Variants in ARHGEF10L observed in about 807,000 individuals in gnomAD.
ARHGEF10L encodes the protein rho guanine nucleotide exchange factor 10-like protein.
A neutral mutation model predicts 141.2 loss-of-function variants in ARHGEF10L; 69 were observed. The observed-to-expected ratio is 0.49, with a 90% CI of 0.40 to 0.60. The LOEUF is 0.60. Ranked by LOEUF, ARHGEF10L falls within the 20% of genes least tolerant of loss-of-function variation. The pLI is 0.00. For missense variants in ARHGEF10L, 1,482 were observed against 1,734.3 expected (o/e 0.85, Z 2.58); for synonymous variants, 711 against 718.5 (o/e 0.99, Z 0.17).
Position 17,638,678 on chromosome 1 carries a change from G to A in ARHGEF10L, c.2160G>A (p.Gly720=). ...NKCRLRLLLP[G]KPDKSGRPIS... ...GCCGTCTCAGGCTCCTGCTTCCTGGGAAACCCGACAAGTGAGAGGAGGGGG... is the reference window on the plus strand; with the variant it reads ...GCCGTCTCAGGCTCCTGCTTCCTGGAAAACCCGACAAGTGAGAGGAGGGGG... The change falls in exon 20 of 29, where the codon GGG becomes GGA. Residue 720 remains glycine, a synonymous_variant. Coordinates refer to ENST00000361221, the MANE Select transcript of ARHGEF10L (RefSeq NM_018125.4). The A allele has an allele frequency of 6.2e-7, 1 of 1,614,030 alleles. No individual in the cohort carries two copies. Among genetic ancestry groups the A allele is most frequent in the African/African-American group, 1.3e-5 (1 of 75,060 alleles).
At chr1:17,636,281 G>A (rs1167923859) in intron 18 of ARHGEF10L, among the ~76,000 whole-genome samples, 2 of 152,102 alleles carry the variant, frequency 1.3e-5, no homozygotes, top group East Asian at 1.9e-4. Flanking sequence ...CTTCGAAAGG[G>A]GAAAGAAGTT....
At chr1:17,687,768 G>T in intron 27 of ARHGEF10L, 21 bp downstream of exon 27, 7 of 1,558,514 alleles carry the variant, frequency 4.5e-6, no homozygotes, top group Non-Finnish European at 6.1e-6. Flanking sequence ...CTCGGGCACG[G>T]GGGAGCGGAC....
At chr1:17,649,237 G>A (rs1443456964) in intron 22 of ARHGEF10L, among the ~76,000 whole-genome samples, 1 of 152,224 alleles carries the variant, frequency 6.6e-6, no homozygotes, top group East Asian at 1.9e-4. Context: ...TTCCAAAAAG[G>A]ACATAGCTAG....
At chr1:17,588,529 C>G (rs372972068) in intron 4 of ARHGEF10L, 50 bp downstream of exon 4, 1 of 1,611,018 alleles carries the variant, frequency 6.2e-7, no homozygotes, top group African/African-American at 1.3e-5. Flanking sequence ...AGGGAGACAC[C>G]GGGCAGTGGG....
chr1:17,640,101 T>C, intron 20 of ARHGEF10L, 101 bp from the exon 21 acceptor site: 10 of 1,506,136 alleles, frequency 6.6e-6, no homozygotes, highest in Non-Finnish European at 8.9e-6. Flanking sequence ...ACCTCCTTGA[T>C]CTCCAGGGCG....
chr1:17,607,508 C>T lies in ARHGEF10L; in HGVS notation c.434-294C>T, dbSNP rs891646859. On this transcript the variant is annotated intron_variant, in intron 6 of 28. Coordinates refer to ENST00000361221, the MANE Select transcript of ARHGEF10L (RefSeq NM_018125.4). This position sits in a 1 kb window ranked among gnomAD's most constrained non-coding sequence, Gnocchi z 4.5. ...AATTGCCAAGGAGGCTCACAATGAGCGCTGAGACCATACAAAAGCAGTGCT... is the reference window on the plus strand; with the variant it reads ...AATTGCCAAGGAGGCTCACAATGAGTGCTGAGACCATACAAAAGCAGTGCT... Among the ~76,000 whole-genome samples the T allele has an allele frequency of 4.6e-5, 7 of 152,170 alleles. No homozygotes were observed. Among genetic ancestry groups the T allele is most frequent in the African/African-American group, 9.6e-5 (4 of 41,456 alleles).
chr1:17,676,212 G>A (rs1419356969), intron 26 of ARHGEF10L, among the ~76,000 whole-genome samples: 15 of 149,030 alleles, frequency 1.0e-4, no homozygotes, highest in Non-Finnish European at 1.9e-4. Context: ...ATAGGTGCAG[G>A]TGTGGGTACA....
chr1:17,527,519 C>T, the ARHGEF10L span, among the ~76,000 whole-genome samples: 1 of 152,118 alleles, frequency 6.6e-6, no homozygotes, highest in South Asian at 2.1e-4. Flanking sequence ...TTTTATGGCA[C>T]CACCCGTACC....
intron 1 of ARHGEF10L, among the ~76,000 whole-genome samples, chr1:17,564,608 G>A (rs1032495590): frequency 1.3e-5 from 2 of 152,200 alleles, no homozygotes; most frequent in Non-Finnish European, 2.9e-5. Context: ...CACGTGGCCT[G>A]GGTTCAAAGG....
chr1:17,646,830 C>A (rs190431401), intron 21 of ARHGEF10L, among the ~76,000 whole-genome samples: 7 of 151,930 alleles, frequency 4.6e-5, no homozygotes, highest in Non-Finnish European at 1.0e-4. Flanking sequence ...CAGTCCAGCA[C>A]GGTGGAGCCA....
chr1:17,655,012 T>C (rs1307814409), intron 23 of ARHGEF10L, among the ~76,000 whole-genome samples: 1 of 152,112 alleles, frequency 6.6e-6, no homozygotes, highest in Non-Finnish European at 1.5e-5. Context: ...AGGACCTGGG[T>C]CTCAGGATCT....
Position 17,634,997 on chromosome 1 carries a change from T to A in ARHGEF10L, c.1908T>A (p.Ser636=). ...AGCACTCAGGCGCCAAGAAGGCCTCTGCCTCAGGGCAGGCTCAGAGTGAGT... is the reference window on the plus strand; with the variant it reads ...AGCACTCAGGCGCCAAGAAGGCCTCAGCCTCAGGGCAGGCTCAGAGTGAGT... ...LIQHSGAKKA[S]ASGQAQNKVY... is the part of the protein sequence containing the mutation. Residue 636 remains serine (S), a synonymous_variant, in exon 18 of 29, where the codon TCT becomes TCA. Transcript: ENST00000361221. 6.2e-7 allele frequency: 1 copy of A among 1,614,084 alleles called. No individual in the cohort carries two copies.
chr1:17,521,022 C>T, the ARHGEF10L span, among the ~76,000 whole-genome samples: 10 of 152,268 alleles, frequency 6.6e-5, no homozygotes, highest in South Asian at 4.1e-4. Flanking sequence ...CCATGCCATC[C>T]GGGCCTCAGC....
At chr1:17,637,325 C>A (rs995357643) in intron 18 of ARHGEF10L, among the ~76,000 whole-genome samples, 1 of 152,192 alleles carries the variant, frequency 6.6e-6, no homozygotes, top group Non-Finnish European at 1.5e-5. Context: ...CCTATGCAGG[C>A]CCCTCCTCTC....
At position 17,615,764 on chromosome 1, in the gene ARHGEF10L, G is replaced by A. The variant is rs796471536; in HGVS notation, c.727-330G>A. ...ACGTGCCCAGAGTCATGCCATTGGC[G>A]GGTGGCCCAGGGCTCCAGGTCTCCA... On this transcript the variant is annotated intron_variant, in intron 8 of 28. Transcript: ENST00000361221. The surrounding 1 kb of genome is among the most constrained non-coding windows in gnomAD (Gnocchi z 4.7). The A allele has an allele frequency of 5.7e-5, 13 of 228,080 alleles. 1 individual carries two copies. Among genetic ancestry groups the A allele is most frequent in the South Asian group, 2.9e-4 (3 of 10,218 alleles). 14.1% of individuals were successfully genotyped at this position (228,080 alleles called of 1,614,324 possible).
At chr1:17,643,723 A>G (rs1334622900) in intron 21 of ARHGEF10L, among the ~76,000 whole-genome samples, 2 of 152,114 alleles carry the variant, frequency 1.3e-5, no homozygotes, top group Non-Finnish European at 2.9e-5. Context: ...TCTCGTGAAA[A>G]TGTGGGGAGA....
chr1:17,647,264 G>A (rs558454667), intron 21 of ARHGEF10L, among the ~76,000 whole-genome samples: 172 of 152,294 alleles, frequency 1.1e-3, no homozygotes, highest in Non-Finnish European at 1.5e-3. Flanking sequence ...GCCTGGCCAC[G>A]TTACTAAATC....
At chr1:17,616,859 C>T (rs1275295231) in intron 9 of ARHGEF10L, among the ~76,000 whole-genome samples, 1 of 152,160 alleles carries the variant, frequency 6.6e-6, no homozygotes, top group Non-Finnish European at 1.5e-5. Flanking sequence ...GTGTGCAGAG[C>T]CCCGGATGTG....
the ARHGEF10L span, among the ~76,000 whole-genome samples, chr1:17,531,180 G>C: frequency 6.6e-6 from 1 of 152,170 alleles, no homozygotes; most frequent in African/African-American, 2.4e-5. Flanking sequence ...CTTCAGAGGA[G>C]GAGTGGGGTG....
Sources: gnomAD v4.1 joint callset for allele counts (sites outside exome capture counted in the v4.1 genomes callset) on GRCh38, gnomAD v4.1.1 for gene constraint, Gnocchi (gnomAD v3.1) non-coding constraint, MANE v1.5 for transcripts, NCBI Gene and HGNC (gene_info 2026-07-23, HGNC 2026-07-21) for gene names.